The following NUBPL variants were observed in gnomAD, a reference collection of about 807,000 sequenced individuals.
NUBPL encodes NUBP iron-sulfur cluster assembly factor, mitochondrial, also known as iron-sulfur cluster transfer protein NUBPL.
NUBPL carries 31 observed loss-of-function variants against 45.7 expected under a neutral mutation model. That is an observed-to-expected ratio of 0.68 (90% CI 0.51 to 0.92). The LOEUF is 0.92. Ranked by LOEUF, NUBPL falls within the 40% of genes least tolerant of loss-of-function variation. The pLI, the probability that NUBPL is intolerant of heterozygous loss-of-function variation, is 0.00. For missense variants in NUBPL, 401 were observed against 398.7 expected (o/e 1.01, Z -0.05); for synonymous variants, 144 against 140.9 (o/e 1.02, Z -0.15).
chr14:31,652,143 C>G (rs1447421506), intron 4 of NUBPL, among the ~76,000 whole-genome samples: 1 of 151,994 alleles, frequency 6.6e-6, no homozygotes, highest in African/African-American at 2.4e-5. Flanking sequence ...CTGTCATTTG[C>G]AACTATATGA....
intron 10 of NUBPL, among the ~76,000 whole-genome samples, chr14:31,856,922 G>A (rs1352788608): frequency 1.3e-5 from 2 of 152,144 alleles, no homozygotes; most frequent in African/African-American, 2.4e-5. Context: ...CAGTGGATCT[G>A]CCATTGTGGG....
intron 6 of NUBPL, among the ~76,000 whole-genome samples, chr14:31,750,393 T>C (rs2038499646): frequency 6.6e-6 from 1 of 150,600 alleles, no homozygotes; most frequent in Non-Finnish European, 1.5e-5. Flanking sequence ...TTATTTTTAG[T>C]AGAGACGGGG....
chr14:31,568,998 AG>A (rs2033511044), intron 3 of NUBPL, among the ~76,000 whole-genome samples: 1 of 152,216 alleles, frequency 6.6e-6, no homozygotes, highest in Non-Finnish European at 1.5e-5. Context: ...GTATTAGTAT[AG>A]TAGCTCTAAT....
intron 7 of NUBPL, among the ~76,000 whole-genome samples, chr14:31,799,178 G>A (rs982187128): frequency 5.3e-5 from 8 of 152,220 alleles, no homozygotes; most frequent in Non-Finnish European, 1.0e-4. Context: ...AGAAAGTGCA[G>A]TATTCTGAGA....
intron 8 of NUBPL, among the ~76,000 whole-genome samples, chr14:31,829,727 T>C (rs2040160357): frequency 6.6e-6 from 1 of 152,186 alleles, no homozygotes; most frequent in African/African-American, 2.4e-5. Flanking sequence ...TTCATCGGTA[T>C]GGACAGAGTT....
At chr14:31,774,270 A>G (rs1387037043) in intron 6 of NUBPL, among the ~76,000 whole-genome samples, 3 of 152,192 alleles carry the variant, frequency 2.0e-5, no homozygotes, top group East Asian at 3.9e-4. Context: ...AGTTGACCCT[A>G]TGGTCCTTAG....
chr14:31,647,314 TC>T (rs751856598), intron 4 of NUBPL, among the ~76,000 whole-genome samples: 4 of 152,250 alleles, frequency 2.6e-5, no homozygotes, highest in Admixed American at 6.5e-5. Context: ...ATTCCAGTCT[TC>T]CGTCTCTGGC....
At chr14:31,848,084 TG>T (rs1435543660) in intron 9 of NUBPL, among the ~76,000 whole-genome samples, 1 of 152,220 alleles carries the variant, frequency 6.6e-6, no homozygotes, top group Non-Finnish European at 1.5e-5. Context: ...ATGGTATGTA[TG>T]GAAGTTACAT....
intron 4 of NUBPL, among the ~76,000 whole-genome samples, chr14:31,643,463 G>A (rs963535247): frequency 1.3e-5 from 2 of 152,012 alleles, no homozygotes; most frequent in African/African-American, 4.8e-5. Flanking sequence ...ATTGATTTCC[G>A]AATGTTGAAC....
chr14:31,582,744 C>T (rs907338507), intron 3 of NUBPL, among the ~76,000 whole-genome samples: 29 of 151,950 alleles, frequency 1.9e-4, no homozygotes, highest in African/African-American at 6.3e-4. Flanking sequence ...TTATTATAAA[C>T]GATACATGTT....
At chr14:31,610,273 TGTGA>T (rs141256016) in intron 4 of NUBPL, among the ~76,000 whole-genome samples, 2,435 of 152,192 alleles carry the variant, frequency 0.016, 76 homozygotes, top group African/African-American at 0.055. Context: ...TAGTGGCTAC[TGTGA>T]GTAAGTACAT....
chr14:31,604,038 C>CAT (rs2034516652), intron 4 of NUBPL, among the ~76,000 whole-genome samples: 1 of 151,918 alleles, frequency 6.6e-6, no homozygotes, highest in African/African-American at 2.4e-5. Context: ...TGGTATATGC[C>CAT]AACATAAACA....
chr14:31,706,434 G>C (rs1263976630), intron 6 of NUBPL, among the ~76,000 whole-genome samples: 1 of 152,152 alleles, frequency 6.6e-6, no homozygotes, highest in Non-Finnish European at 1.5e-5. Flanking sequence ...AAAAATACAG[G>C]GTCCAAAGGT....
chr14:31,750,979 GGA>G lies in NUBPL; in HGVS notation c.514-36787_514-36786del, dbSNP rs372596077. On this transcript the variant is annotated intron_variant, in intron 6 of 10. Transcript: ENST00000281081. ...CATAGAACTTCTTCACATGGTGGCA[GGA>G]GAGAGAGAGAGAGTGAAGAGGGAAG... Among the ~76,000 whole-genome samples, 9 of 151,892 alleles carry G rather than the reference GGA, an allele frequency of 5.9e-5. No homozygotes were observed. In the South Asian group the frequency reaches 8.3e-4, roughly 14 times the overall value.
chr14:31,809,081 T>G (rs929489903), intron 7 of NUBPL, among the ~76,000 whole-genome samples: 2 of 151,974 alleles, frequency 1.3e-5, no homozygotes, highest in Non-Finnish European at 2.9e-5. Flanking sequence ...AAATTCTCTT[T>G]TTTTGTTTTG....
At chr14:31,750,582 T>C (rs181072822) in intron 6 of NUBPL, among the ~76,000 whole-genome samples, 3 of 152,238 alleles carry the variant, frequency 2.0e-5, no homozygotes, top group Admixed American at 2.0e-4. Flanking sequence ...TCATGTTCTT[T>C]GGAGGCGTCA....
At chr14:31,709,483 T>A (rs1380092928) in intron 6 of NUBPL, among the ~76,000 whole-genome samples, 1 of 152,242 alleles carries the variant, frequency 6.6e-6, no homozygotes, top group Non-Finnish European at 1.5e-5. Flanking sequence ...TGCCCCTTTC[T>A]TCAGCTGTCA....
chr14:31,737,016 T>C (rs566983174), intron 6 of NUBPL, among the ~76,000 whole-genome samples: 1 of 152,334 alleles, frequency 6.6e-6, no homozygotes, highest in East Asian at 1.9e-4. Flanking sequence ...GATTGCATTG[T>C]TTGTTTTTTT....
rs28536186 is a variant in NUBPL at position 31,654,105 on chromosome 14, C to G, written c.383-19250C>G. On this transcript the variant is annotated intron_variant, in intron 4 of 10. Coordinates refer to ENST00000281081, the MANE Select transcript of NUBPL (RefSeq NM_025152.3). ...GAGATGTTGCAGGTCTTGTTCCAGA[C>G]CACCACAATAAAGCAAGTGTCTCAA... is the stretch of plus-strand genomic sequence containing the variant. 2.0e-5 allele frequency: 9 copies of G among 454,462 alleles called. No homozygotes were observed. In the Admixed American group the frequency reaches 2.1e-4, roughly 11 times the overall value. The allele number at this position is 454,462 out of a possible 1,614,324, so 28.2% of individuals were successfully genotyped here.
Sources: gnomAD v4.1 joint callset for allele counts (sites outside exome capture counted in the v4.1 genomes callset) on GRCh38, gnomAD v4.1.1 for gene constraint, MANE v1.5 for transcripts, NCBI Gene and HGNC (gene_info 2026-07-23, HGNC 2026-07-21) for gene names.